CAST: variants seen among roughly 807,000 people sequenced by gnomAD.
CAST encodes MIR583 host.
Under a neutral mutation model 119.6 loss-of-function variants are expected in CAST, and 76 were observed. The ratio of observed to expected loss-of-function variants is 0.64; its 90% CI spans 0.53 to 0.77. CAST has a LOEUF of 0.77. Ranked by LOEUF, CAST falls within the 30% of genes least tolerant of loss-of-function variation. The pLI, the probability that CAST is intolerant of heterozygous loss-of-function variation, is 0.00. For missense variants in CAST, 953 were observed against 946.5 expected (o/e 1.01, Z -0.09); for synonymous variants, 319 against 331.6 (o/e 0.96, Z 0.41).
At chr5:96,548,659 A>C (rs555163367) in intron 1 of CAST, among the ~76,000 whole-genome samples, 1 of 152,284 alleles carries the variant, frequency 6.6e-6, no homozygotes, top group Non-Finnish European at 1.5e-5. Context: ...CTCTGCCTAC[A>C]AAGGGGGAAC....
chr5:96,412,408 G>A, the CAST span: 2 of 1,613,892 alleles, frequency 1.2e-6, no homozygotes, highest in Non-Finnish European at 1.7e-6. Flanking sequence ...AGCTTGCACT[G>A]TAAATATCCA....
the CAST span, among the ~76,000 whole-genome samples, chr5:96,100,846 T>G: frequency 6.6e-6 from 1 of 152,148 alleles, no homozygotes; most frequent in Non-Finnish European, 1.5e-5. Context: ...TCTAAATTGC[T>G]ATGTAAATAA....
the CAST span, among the ~76,000 whole-genome samples, chr5:96,052,383 A>G: frequency 1.6e-4 from 24 of 151,996 alleles, no homozygotes; most frequent in African/African-American, 5.8e-4. Flanking sequence ...ACAAGACACA[A>G]CCATACAACC....
At chr5:96,581,748 G>C (rs1170437735) in intron 1 of CAST, among the ~76,000 whole-genome samples, 1 of 152,104 alleles carries the variant, frequency 6.6e-6, no homozygotes, top group Non-Finnish European at 1.5e-5. Context: ...AAAATTAGCT[G>C]GACGTGGTGG....
intron 1 of CAST, among the ~76,000 whole-genome samples, chr5:96,641,925 T>C (rs148430383): frequency 1.2e-3 from 181 of 152,338 alleles, no homozygotes; most frequent in Non-Finnish European, 2.1e-3. Flanking sequence ...CAGTCTGTAT[T>C]TAAAGAAACA....
the CAST span, among the ~76,000 whole-genome samples, chr5:95,975,447 C>A: frequency 5.9e-5 from 9 of 152,144 alleles, 1 homozygote; most frequent in Non-Finnish European, 1.3e-4. Flanking sequence ...CTGTTTGGCA[C>A]CCTGACTCGT....
At chr5:96,502,049 A>G in the CAST span, among the ~76,000 whole-genome samples, 1 of 151,376 alleles carries the variant, frequency 6.6e-6, no homozygotes, top group Non-Finnish European at 1.5e-5. Flanking sequence ...TTTTTCTCAC[A>G]TAAAAAATAG....
chr5:96,695,809 T>C lies in CAST; in HGVS notation c.139-27T>C, dbSNP rs759980893. 15 of 1,537,846 alleles carry C rather than the reference T, an allele frequency of 9.8e-6. No homozygotes were observed. In the East Asian group the frequency reaches 2.9e-4, roughly 30 times the overall value. ...TACATTGGTAAGGTGTTTTCCCCCA[T>C]TGAAACTAATATTTTCTATTTTCAA... On this transcript the variant is annotated intron_variant, in intron 2 of 31. Transcript: ENST00000675179.
At chr5:96,502,691 A>G in the CAST span, among the ~76,000 whole-genome samples, 1 of 146,392 alleles carries the variant, frequency 6.8e-6, no homozygotes, top group African/African-American at 2.6e-5. Flanking sequence ...ATTGACCTCT[A>G]TCTGCTTTTG....
chr5:96,204,031 A>G, the CAST span, among the ~76,000 whole-genome samples: 1 of 152,084 alleles, frequency 6.6e-6, no homozygotes, highest in Non-Finnish European at 1.5e-5. Flanking sequence ...AAACCCTGCT[A>G]TTTCAGGCTT....
At chr5:96,223,986 T>G in the CAST span, among the ~76,000 whole-genome samples, 1 of 152,066 alleles carries the variant, frequency 6.6e-6, no homozygotes, top group South Asian at 2.1e-4. Flanking sequence ...CTCGGCAGAG[T>G]GGATCCTATA....
Position 96,726,867 on chromosome 5 carries a change from T to C in CAST, c.336+8T>C, listed in dbSNP as rs1167713642. ...AAAAAACACAAAAAACAGGTGATGT[T>C]GTTCATTGTACTAGGGCATCTCTGT... On this transcript the variant is annotated splice_region_variant and intron_variant, in intron 5 of 31. Transcript: ENST00000675179. 3 of 1,603,384 alleles carry C rather than the reference T, an allele frequency of 1.9e-6. No homozygotes were observed. The highest frequency in any genetic ancestry group is 4.5e-5 in the East Asian group (2 of 44,796).
At chr5:96,644,247 A>C (rs1747990551) in intron 1 of CAST, among the ~76,000 whole-genome samples, 1 of 152,164 alleles carries the variant, frequency 6.6e-6, no homozygotes, top group African/African-American at 2.4e-5. Context: ...GTCTTTAATT[A>C]AGTTTCTTGT....
chr5:96,318,419 A>T, the CAST span: 1 of 152,230 alleles, frequency 6.6e-6, no homozygotes, highest in Non-Finnish European at 1.5e-5. Flanking sequence ...ATAGCTCCAC[A>T]AGTTTTCAGG....
the CAST span, among the ~76,000 whole-genome samples, chr5:96,032,664 G>A: frequency 0.014 from 2,127 of 152,138 alleles, 41 homozygotes; most frequent in African/African-American, 0.049. Context: ...AAACCCCTAG[G>A]TCTGTTGCCT....
chr5:96,447,370 G>A, the CAST span, among the ~76,000 whole-genome samples: 1 of 152,218 alleles, frequency 6.6e-6, no homozygotes, highest in Admixed American at 6.5e-5. Context: ...AATTTCCAGA[G>A]ACTAGGAAGT....
At chr5:96,545,496 A>G (rs1731489182) in intron 1 of CAST, among the ~76,000 whole-genome samples, 1 of 152,182 alleles carries the variant, frequency 6.6e-6, no homozygotes, top group African/African-American at 2.4e-5. Flanking sequence ...AATTTTTTTC[A>G]TTCCAATAGA....
chr5:96,043,193 C>T, the CAST span, among the ~76,000 whole-genome samples: 1 of 152,112 alleles, frequency 6.6e-6, no homozygotes, highest in Non-Finnish European at 1.5e-5. Flanking sequence ...CTTGGCAGAT[C>T]ATGTGTTCAA....
At chr5:96,563,985 A>C (rs1450743227) in intron 1 of CAST, among the ~76,000 whole-genome samples, 1 of 152,212 alleles carries the variant, frequency 6.6e-6, no homozygotes, top group Non-Finnish European at 1.5e-5. Flanking sequence ...TGAGCTATGC[A>C]CTGACACAGG....
Sources: allele counts gnomAD v4.1 joint callset (sites outside exome capture counted in the v4.1 genomes callset), GRCh38; gene constraint gnomAD v4.1.1; transcripts MANE v1.5; gene names NCBI Gene and HGNC (gene_info 2026-07-23, HGNC 2026-07-21).